Variants in MRPL15 observed in about 807,000 individuals in gnomAD.
MRPL15 encodes large ribosomal subunit protein uL15m.
MRPL15 carries 24 observed loss-of-function variants against 28.0 expected under a neutral mutation model. The observed-to-expected ratio is 0.86, with a 90% CI of 0.62 to 1.21. The LOEUF (loss-of-function observed/expected upper bound fraction) is 1.21. Ranked by LOEUF, MRPL15 falls within the 50% of genes most tolerant of loss-of-function variation. The pLI, the probability that MRPL15 is intolerant of heterozygous loss-of-function variation, is 0.00. For missense variants in MRPL15, 343 were observed against 372.4 expected (o/e 0.92, Z 0.65); for synonymous variants, 124 against 137.0 (o/e 0.90, Z 0.66).
At chr8:54,137,169 T>A in intron 2 of MRPL15, 99 bp from the exon 3 acceptor site, 1 of 1,237,684 alleles carries the variant, frequency 8.1e-7, no homozygotes, top group Non-Finnish European at 1.1e-6. Flanking sequence ...TTTAGTTAAA[T>A]AAAATTGGTG....
chr8:54,136,660 A>G lies in MRPL15; in HGVS notation c.258A>G (p.Gly86=), dbSNP rs772990161. 2 of 1,613,494 alleles carry G rather than the reference A, an allele frequency of 1.2e-6. No individual in the cohort carries two copies. The highest frequency in any genetic ancestry group is 1.7e-6 in the Non-Finnish European group (2 of 1,179,652). The change falls in exon 2 of 5, where the codon GGA becomes GGG. Residue 86 remains glycine, a synonymous_variant. Coordinates refer to ENST00000260102, the MANE Select transcript of MRPL15 (RefSeq NM_014175.4). The part of the protein sequence containing the change: ...IRIPKYGFNE[G]HSFRRQYKPL... ...TCCCAAAATACGGGTTTAACGAAGG[A>G]CATAGGTAAGGTTGCTTTGCTTTTT... is the stretch of plus-strand genomic sequence containing the variant.
intron 4 of MRPL15, among the ~76,000 whole-genome samples, chr8:54,146,189 G>T (rs1811042099): frequency 1.3e-5 from 2 of 152,252 alleles, no homozygotes; most frequent in Admixed American, 1.3e-4. Context: ...CCTCACGCCT[G>T]TAATCCCAGC....
chr8:54,135,249 C>A lies in MRPL15; in HGVS notation c.-35C>A. ...GAGACCACGTGGCCTCCGAGCAGCTCAGGGCGCCCTTGAAAGTTCTTGGAT... is the reference window on the plus strand; with the variant it reads ...GAGACCACGTGGCCTCCGAGCAGCTAAGGGCGCCCTTGAAAGTTCTTGGAT... On this transcript the variant is annotated 5_prime_UTR_variant, in exon 1 of 5. Transcript: ENST00000260102. 7.7e-7 allele frequency: 1 copy of A among 1,294,668 alleles called. No homozygotes were observed. Among genetic ancestry groups the A allele is most frequent in the East Asian group, 3.1e-5 (1 of 31,788 alleles). The allele number at this position is 1,294,668 out of a possible 1,614,324, so 80.2% of individuals were successfully genotyped here.
intron 3 of MRPL15, among the ~76,000 whole-genome samples, chr8:54,138,795 G>A (rs1286929865): frequency 1.3e-5 from 2 of 152,012 alleles, no homozygotes; most frequent in Non-Finnish European, 2.9e-5. Flanking sequence ...AAGCTCCCTT[G>A]AGGGCAGGTG....
chr8:54,147,875 G>T lies in MRPL15; in HGVS notation c.*156G>T, dbSNP rs1048500557. On this transcript the variant is annotated 3_prime_UTR_variant, in exon 5 of 5. Coordinates refer to ENST00000260102, the MANE Select transcript of MRPL15 (RefSeq NM_014175.4). ...TCTCATTTTCATCTAAAATTAAATG[G>T]CAGGAAACAAGGACTGCATAGAGAA... The T allele has an allele frequency of 1.5e-6, 1 of 676,270 alleles. No individual in the cohort carries two copies. The highest frequency in any genetic ancestry group is 2.4e-6 in the Non-Finnish European group (1 of 420,286). 41.9% of individuals were successfully genotyped at this position (676,270 alleles called of 1,614,324 possible).
Position 54,140,574 on chromosome 8 carries a change from C to CTTTTTTTTTTTTTT in MRPL15, c.430-2085_430-2072dup, listed in dbSNP as rs71551976. The stretch of plus-strand genomic sequence containing the variant: ...CCGGCCTAGAACTACATTTTCTTTT[C>CTTTTTTTTTTTTTT]TTTTTTTTTTTTTTTTTGAGATGGA... On this transcript the variant is annotated intron_variant, in intron 3 of 4. Transcript: ENST00000260102. 2.4e-3 allele frequency among the ~76,000 whole-genome samples: 241 copies of CTTTTTTTTTTTTTT among 99,558 alleles called. 27 individuals are homozygous for CTTTTTTTTTTTTTT. Among genetic ancestry groups the CTTTTTTTTTTTTTT allele is most frequent in the East Asian group, 9.7e-3 (18 of 1,850 alleles). 65.3% of individuals were successfully genotyped at this position (99,558 alleles called of 152,430 possible).
In MRPL15 at chr8:54,135,310, G is replaced by T; in HGVS notation, c.27G>T (p.Gly9=). ...TGGCCGGTCCCTTGCAGGGCGGTGG[G>T]GCCCGGGCCCTGGACCTACTCCGGG... is the stretch of plus-strand genomic sequence containing the variant. MAGPLQGG[G]ARALDLLRGL... Residue 9 remains glycine (G), a synonymous_variant, in exon 1 of 5, where the codon GGG becomes GGT. Transcript: ENST00000260102. 7.0e-7 allele frequency: 1 copy of T among 1,431,914 alleles called. No homozygotes were observed. The highest frequency in any genetic ancestry group is 2.8e-5 in the Admixed American group (1 of 35,212). 88.7% of individuals were successfully genotyped at this position (1,431,914 alleles called of 1,614,324 possible).
At chr8:54,144,735 C>T (rs1364794949) in intron 4 of MRPL15, among the ~76,000 whole-genome samples, 5 of 151,850 alleles carry the variant, frequency 3.3e-5, no homozygotes, top group South Asian at 2.1e-4. Flanking sequence ...GCTGAGATCG[C>T]GCCACTGCAC....
At chr8:54,138,309 T>TA (rs1477251890) in intron 3 of MRPL15, among the ~76,000 whole-genome samples, 14 of 128,922 alleles carry the variant, frequency 1.1e-4, no homozygotes, top group African/African-American at 4.7e-4. Flanking sequence ...ATCTTTTTTT[T>TA]TTTTTTTTTT....
intron 3 of MRPL15, among the ~76,000 whole-genome samples, chr8:54,138,320 T>TTTTTTTA (rs1563716336): frequency 7.4e-6 from 1 of 135,482 alleles, no homozygotes; most frequent in African/African-American, 3.1e-5. Flanking sequence ...TTTTTTTTTT[T>TTTTTTTA]TTTTTTTTTA....
At chr8:54,139,964 T>A (rs1810890726) in intron 3 of MRPL15, among the ~76,000 whole-genome samples, 1 of 152,180 alleles carries the variant, frequency 6.6e-6, no homozygotes, top group East Asian at 1.9e-4. Flanking sequence ...GAATCAAAGG[T>A]ACTGTTGATT....
At chr8:54,142,968 C>CA (rs1810956438) in intron 4 of MRPL15, 182 bp downstream of exon 4, 1 of 845,204 alleles carries the variant, frequency 1.2e-6, no homozygotes, top group Non-Finnish European at 1.8e-6. Flanking sequence ...ACACCAAGGG[C>CA]AAAAAAGGCT....
intron 4 of MRPL15, among the ~76,000 whole-genome samples, chr8:54,145,668 G>T (rs1586219752): frequency 6.6e-6 from 1 of 152,062 alleles, no homozygotes; most frequent in East Asian, 1.9e-4. Context: ...TAGAGATGAG[G>T]TCTCACTATG....
At chr8:54,137,101 T>C (rs1810837703) in intron 2 of MRPL15, among the ~76,000 whole-genome samples, 167 bp from the exon 3 acceptor site, 1 of 152,206 alleles carries the variant, frequency 6.6e-6, no homozygotes, top group African/African-American at 2.4e-5. Context: ...ACAGGTTTGT[T>C]TTCATTACCC....
At chr8:54,142,436 G>T (rs565627811) in intron 3 of MRPL15, among the ~76,000 whole-genome samples, 23 of 152,198 alleles carry the variant, frequency 1.5e-4, no homozygotes, top group Non-Finnish European at 3.2e-4. Context: ...GATTACAGGC[G>T]TGAACCACTG....
chr8:54,140,288 C>T (rs1300932416), intron 3 of MRPL15, among the ~76,000 whole-genome samples: 6 of 152,120 alleles, frequency 3.9e-5, no homozygotes, highest in Non-Finnish European at 7.4e-5. Context: ...GATGGAGTCT[C>T]GCTCTGTTGC....
chr8:54,135,570 CTTTTTTTTTTTTT>C (rs537299219), intron 1 of MRPL15, among the ~76,000 whole-genome samples, 179 bp downstream of exon 1: 2 of 116,910 alleles, frequency 1.7e-5, no homozygotes, highest in Admixed American at 1.8e-4. Context: ...GCACCCAGTT[CTTTTTTTTTTTTT>C]TTTTTTTTTT....
intron 3 of MRPL15, 32 bp downstream of exon 3, chr8:54,137,465 T>C: frequency 1.2e-6 from 2 of 1,600,288 alleles, no homozygotes; most frequent in Non-Finnish European, 8.5e-7. Context: ...TGGTGTTATA[T>C]AGGAGGATTT....
intron 1 of MRPL15, among the ~76,000 whole-genome samples, 179 bp downstream of exon 1, chr8:54,135,570 C>CTTTTTTTT (rs537299219): frequency 8.6e-6 from 1 of 116,910 alleles, no homozygotes. Flanking sequence ...GCACCCAGTT[C>CTTTTTTTT]TTTTTTTTTT....
Sources: gnomAD v4.1 joint callset for allele counts (sites outside exome capture counted in the v4.1 genomes callset) on GRCh38, gnomAD v4.1.1 for gene constraint, MANE v1.5 for transcripts, NCBI Gene and HGNC (gene_info 2026-07-23, HGNC 2026-07-21) for gene names.